Variants in CBFA2T3 observed in about 807,000 individuals in gnomAD.
The protein encoded by CBFA2T3 is CBFA2/RUNX1 partner transcriptional co-repressor 3, also known as transcriptional corepressor CBFA2T3.
CBFA2T3 carries 31 observed loss-of-function variants against 58.6 expected under a neutral mutation model. The observed-to-expected ratio is 0.53, with a 90% CI of 0.40 to 0.71. CBFA2T3 has a LOEUF of 0.71. Among genes scored for constraint, CBFA2T3 ranks in the 30% least tolerant of loss-of-function variants. CBFA2T3 has a pLI of 0.00. For synonymous variants in CBFA2T3, 531 were observed against 421.9 expected, an observed-to-expected ratio of 1.26 and a Z score of -3.17; for missense variants, 1,076 against 963.1, an observed-to-expected ratio of 1.12 and a Z score of -1.55.
chr16:88,936,371 C>T (rs1344052491), intron 1 of CBFA2T3, among the ~76,000 whole-genome samples: 5 of 152,150 alleles, frequency 3.3e-5, no homozygotes, highest in Non-Finnish European at 7.3e-5. Context: ...CTCCTCCTGC[C>T]ACGTCCACCA....
At position 88,970,480 on chromosome 16, in the gene CBFA2T3, C is replaced by G. The variant is rs962509321; in HGVS notation, c.151+6177G>C. 2.0e-5 allele frequency among the ~76,000 whole-genome samples: 3 copies of G among 152,232 alleles called. No homozygotes were observed. The East Asian group carries it at 5.8e-4, about 29-fold the overall frequency. ...CCTGGGAGGACGTGGCCCACCCCAG[C>G]CCCGCTGTGTGAGCTCGGCTGGTTT... On this transcript the variant is annotated intron_variant, in intron 1 of 11. Coordinates refer to ENST00000268679, the MANE Select transcript of CBFA2T3 (RefSeq NM_005187.6).
At chr16:88,968,973 A>C (rs1343874289) in intron 1 of CBFA2T3, among the ~76,000 whole-genome samples, 1 of 152,156 alleles carries the variant, frequency 6.6e-6, no homozygotes, top group African/African-American at 2.4e-5. Context: ...CCAGGAGCCT[A>C]AGATCTGCTC....
Position 88,903,082 on chromosome 16 carries a change from C to T in CBFA2T3, c.152-1426G>A, listed in dbSNP as rs139400990. Among the ~76,000 whole-genome samples, 1,086 of 152,334 alleles carry T rather than the reference C, an allele frequency of 7.1e-3. 17 individuals are homozygous for T. The highest frequency in any genetic ancestry group is 0.025 in the African/African-American group (1,038 of 41,572). On this transcript the variant is annotated intron_variant, in intron 1 of 11. Coordinates refer to ENST00000268679, the MANE Select transcript of CBFA2T3 (RefSeq NM_005187.6). ...TGTTATTAGTCAACTGTGGGCGCTG[C>T]CCCTGCTTCTGCCCGTTCCCCATTC...
intron 1 of CBFA2T3, chr16:88,937,659 CA>C (rs1402895103): frequency 2.6e-5 from 4 of 152,310 alleles, no homozygotes; most frequent in Non-Finnish European, 4.4e-5. Context: ...AGTGGGGCAG[CA>C]GCGGTGCCCT....
In CBFA2T3 at chr16:88,875,536, T is replaced by G. The variant is rs1968796329; in HGVS notation, c.*1440A>C. The G allele has an allele frequency of 4.3e-6, 1 of 233,464 alleles. No individual in the cohort carries two copies. The highest frequency in any genetic ancestry group is 5.6e-5 in the Admixed American group (1 of 17,722). The allele number at this position is 233,464 out of a possible 1,614,324, so 14.5% of individuals were successfully genotyped here. A position where few individuals can be genotyped will look rare whatever the true frequency, so the allele number is the denominator to read the frequency against. On this transcript the variant is annotated 3_prime_UTR_variant, in exon 12 of 12. Coordinates refer to ENST00000268679, the MANE Select transcript of CBFA2T3 (RefSeq NM_005187.6). ...TTTTTTTGTTTTTTCTGCAAAAGTT[T>G]GGAAGAAAGGGGAGTAGCTGCGGTG... is the stretch of plus-strand genomic sequence containing the variant.
At chr16:88,880,843 C>A in intron 9 of CBFA2T3, 55 bp from the exon 10 acceptor site, 2 of 1,462,612 alleles carry the variant, frequency 1.4e-6, no homozygotes, top group South Asian at 1.2e-5. Context: ...CCCTCCCACG[C>A]TGGGGCCCTC....
At chr16:88,952,545 C>T (rs113989968) in intron 1 of CBFA2T3, among the ~76,000 whole-genome samples, 2,574 of 152,244 alleles carry the variant, frequency 0.017, 44 homozygotes, top group East Asian at 0.022. Context: ...ACTCCCTGAC[C>T]GAGATAAAGT....
At chr16:88,899,687 GT>G in intron 2 of CBFA2T3, among the ~76,000 whole-genome samples, 1 of 152,336 alleles carries the variant, frequency 6.6e-6, no homozygotes, top group East Asian at 1.9e-4. Context: ...GGAAGAGCAG[GT>G]GGGGGAGACG....
chr16:88,929,112 C>G (rs1042272217), intron 1 of CBFA2T3, among the ~76,000 whole-genome samples: 1 of 152,148 alleles, frequency 6.6e-6, no homozygotes, highest in Non-Finnish European at 1.5e-5. Flanking sequence ...GGGGTAGAAG[C>G]AAAGAAACCA....
intron 1 of CBFA2T3, among the ~76,000 whole-genome samples, chr16:88,967,707 G>A (rs1260630549): frequency 6.6e-6 from 1 of 152,202 alleles, no homozygotes; most frequent in Non-Finnish European, 1.5e-5. Context: ...GGCTTCTCCT[G>A]GGGGGTTAAA....
Position 88,876,918 on chromosome 16 carries a change from C to T in CBFA2T3, c.*58G>A, listed in dbSNP as rs1968852758. ...GAGGCCAGGCACAGCATCCGGTGGG[C>T]CTGGAGCTGGGTGGGGTTGGCACGG... On this transcript the variant is annotated 3_prime_UTR_variant, in exon 12 of 12. Coordinates refer to ENST00000268679, the MANE Select transcript of CBFA2T3 (RefSeq NM_005187.6). 1 of 1,289,988 alleles carries T rather than the reference C, an allele frequency of 7.8e-7. No individual in the cohort carries two copies. The highest frequency in any genetic ancestry group is 3.0e-5 in the East Asian group (1 of 33,796). 79.9% of individuals were successfully genotyped at this position (1,289,988 alleles called of 1,614,324 possible). A position where few individuals can be genotyped will look rare whatever the true frequency, so the allele number is the denominator to read the frequency against.
intron 1 of CBFA2T3, among the ~76,000 whole-genome samples, chr16:88,912,993 G>A (rs905222844): frequency 2.6e-5 from 4 of 152,238 alleles, no homozygotes; most frequent in African/African-American, 9.6e-5. Flanking sequence ...CCCAAGGCGC[G>A]TTTCCTGCTA....
chr16:88,970,138 C>T (rs533861781), intron 1 of CBFA2T3, among the ~76,000 whole-genome samples: 3 of 151,990 alleles, frequency 2.0e-5, no homozygotes, highest in East Asian at 1.9e-4. Context: ...GCCAGTGAAA[C>T]GGCTGCTCTG....
At chr16:88,877,316 C>T in intron 11 of CBFA2T3, 41 bp from the exon 12 acceptor site, 6 of 1,489,302 alleles carry the variant, frequency 4.0e-6, no homozygotes, top group Non-Finnish European at 4.5e-6. Context: ...TGGGTCTGGC[C>T]ACCCGAATCC....
At chr16:88,880,638 T>C in intron 10 of CBFA2T3, 82 bp downstream of exon 10, 2 of 1,191,852 alleles carry the variant, frequency 1.7e-6, no homozygotes, top group Non-Finnish European at 2.4e-6. Flanking sequence ...CAGAAGCTCT[T>C]CAAAGCTGAG....
intron 1 of CBFA2T3, among the ~76,000 whole-genome samples, chr16:88,964,741 A>T: frequency 6.6e-6 from 1 of 151,300 alleles, no homozygotes; most frequent in East Asian, 1.9e-4. Flanking sequence ...CCACCCACCA[A>T]CCCATCTATC....
Position 88,876,249 on chromosome 16 carries a change from T to G in CBFA2T3, c.*727A>C. ...GCTTCCTTTGCTTTTTTAAAAAAAC[T>G]TTTTGGATTTTTACTTAAAGCCAAA... is the stretch of plus-strand genomic sequence containing the variant. On this transcript the variant is annotated 3_prime_UTR_variant, in exon 12 of 12. Transcript: ENST00000268679. 1 of 229,082 alleles carries G rather than the reference T, an allele frequency of 4.4e-6. No individual in the cohort carries two copies. The highest frequency in any genetic ancestry group is 1.3e-3 in the Middle Eastern group (1 of 766). The allele number at this position is 229,082 out of a possible 1,614,324, so 14.2% of individuals were successfully genotyped here. A position where few individuals can be genotyped will look rare whatever the true frequency, so the allele number is the denominator to read the frequency against.
intron 1 of CBFA2T3, among the ~76,000 whole-genome samples, chr16:88,972,355 G>T (rs1972676756): frequency 6.6e-6 from 1 of 152,152 alleles, no homozygotes; most frequent in Non-Finnish European, 1.5e-5. Context: ...GTCAGGCTTT[G>T]TCCCACCGTC....
intron 1 of CBFA2T3, among the ~76,000 whole-genome samples, chr16:88,936,430 A>T (rs1971502748): frequency 6.6e-6 from 1 of 151,844 alleles, no homozygotes; most frequent in African/African-American, 2.4e-5. Context: ...CCCCAGCCTC[A>T]GGGGCAGCCG....
Sources: allele counts gnomAD v4.1 joint callset (sites outside exome capture counted in the v4.1 genomes callset), GRCh38; gene constraint gnomAD v4.1.1; transcripts MANE v1.5; gene names NCBI Gene and HGNC (gene_info 2026-07-23, HGNC 2026-07-21).